Variants in KIAA1328 observed in about 807,000 individuals in gnomAD.
KIAA1328 encodes the protein KIAA1328.
Under a neutral mutation model 68.1 loss-of-function variants are expected in KIAA1328, and 52 were observed. The ratio of observed to expected loss-of-function variants is 0.76; its 90% CI spans 0.61 to 0.96. KIAA1328 has a LOEUF of 0.96. KIAA1328 is among the 40% of genes least tolerant of loss of function. KIAA1328 has a pLI of 0.00. For synonymous variants in KIAA1328, 232 were observed against 239.4 expected (o/e 0.97, Z 0.28); for missense variants, 641 against 677.6 (o/e 0.95, Z 0.60).
intron 5 of KIAA1328, among the ~76,000 whole-genome samples, chr18:36,907,487 T>G (rs1472259753): frequency 1.3e-5 from 2 of 152,150 alleles, no homozygotes; most frequent in Non-Finnish European, 2.9e-5. Flanking sequence ...GTGCTGATAC[T>G]TTTTGGTTAC....
chr18:37,046,319 T>C (rs754005523), intron 6 of KIAA1328, among the ~76,000 whole-genome samples: 8 of 152,208 alleles, frequency 5.3e-5, no homozygotes, highest in Non-Finnish European at 4.4e-5. Context: ...TTGATGTTAG[T>C]TTTGATGAGG....
intron 5 of KIAA1328, among the ~76,000 whole-genome samples, chr18:36,938,944 GT>G (rs1474828802): frequency 2.0e-5 from 3 of 152,038 alleles, no homozygotes; most frequent in Non-Finnish European, 4.4e-5. Context: ...ATTGGTTAAT[GT>G]GTTTGTTTTT....
Position 37,102,374 on chromosome 18 carries a change from C to T in KIAA1328, c.1232+34829C>T, listed in dbSNP as rs151286815. Among the ~76,000 whole-genome samples the T allele has an allele frequency of 1.5e-4, 23 of 152,244 alleles. No individual in the cohort carries two copies. In the East Asian group the frequency reaches 3.7e-3, roughly 24 times the overall value. The stretch of plus-strand genomic sequence containing the variant: ...TCTGTGAAGCAACCACCATGGCACA[C>T]GTTTGCGTTTGTAACAAACCTGCAC... On this transcript the variant is annotated intron_variant, in intron 7 of 9. Transcript: ENST00000280020.
intron 6 of KIAA1328, among the ~76,000 whole-genome samples, chr18:37,042,388 T>C (rs866566403): frequency 2.0e-5 from 3 of 152,218 alleles, no homozygotes; most frequent in Non-Finnish European, 4.4e-5. Flanking sequence ...TCAGCATTTC[T>C]TATAAAGGCA....
At chr18:36,995,021 T>C (rs1278294942) in intron 6 of KIAA1328, among the ~76,000 whole-genome samples, 1 of 152,136 alleles carries the variant, frequency 6.6e-6, no homozygotes, top group Non-Finnish European at 1.5e-5. Flanking sequence ...TTTTGTTACA[T>C]AGGTATACAC....
At chr18:36,981,122 C>T (rs2052667126) in intron 6 of KIAA1328, among the ~76,000 whole-genome samples, 1 of 152,102 alleles carries the variant, frequency 6.6e-6, no homozygotes, top group Non-Finnish European at 1.5e-5. Flanking sequence ...GGGAATAGTG[C>T]TTGTTCCCAT....
chr18:37,045,679 C>A (rs1167135136), intron 6 of KIAA1328, among the ~76,000 whole-genome samples: 1 of 152,134 alleles, frequency 6.6e-6, no homozygotes, highest in East Asian at 1.9e-4. Context: ...TCTCCTGTTT[C>A]TTTCAGAATA....
chr18:36,949,908 A>C (rs1276377890), intron 5 of KIAA1328, among the ~76,000 whole-genome samples: 1 of 152,154 alleles, frequency 6.6e-6, no homozygotes, highest in Non-Finnish European at 1.5e-5. Context: ...ATTTGCCATA[A>C]ATTTTTCTTT....
intron 9 of KIAA1328, among the ~76,000 whole-genome samples, chr18:37,194,373 T>C (rs2059964048): frequency 6.6e-6 from 1 of 152,266 alleles, no homozygotes; most frequent in South Asian, 2.1e-4. Context: ...TTATATTTTC[T>C]GCAAAGTATT....
chr18:36,988,058 T>C (rs1268623359), intron 6 of KIAA1328, among the ~76,000 whole-genome samples: 1 of 152,152 alleles, frequency 6.6e-6, no homozygotes, highest in African/African-American at 2.4e-5. Context: ...AAAGTGGAAA[T>C]GTTCCCATTT....
intron 7 of KIAA1328, among the ~76,000 whole-genome samples, chr18:37,125,592 G>T (rs1416434832): frequency 2.0e-5 from 3 of 152,010 alleles, no homozygotes; most frequent in African/African-American, 7.3e-5. Flanking sequence ...AATAAAATTG[G>T]CAAACCTATA....
At chr18:37,079,043 C>T (rs1312306856) in intron 7 of KIAA1328, among the ~76,000 whole-genome samples, 15 of 151,150 alleles carry the variant, frequency 9.9e-5, no homozygotes, top group South Asian at 6.3e-4. Flanking sequence ...ATGTTTATTG[C>T]GGCACTATTC....
intron 7 of KIAA1328, among the ~76,000 whole-genome samples, chr18:37,130,620 A>G (rs1285029982): frequency 6.6e-6 from 1 of 152,192 alleles, no homozygotes; most frequent in Non-Finnish European, 1.5e-5. Flanking sequence ...CCGTCTCAAA[A>G]AAAAAAGAAA....
intron 9 of KIAA1328, among the ~76,000 whole-genome samples, chr18:37,210,403 C>G (rs532679633): frequency 2.4e-4 from 37 of 152,186 alleles, no homozygotes; most frequent in Non-Finnish European, 4.1e-4. Flanking sequence ...TTGTTTATCA[C>G]TTCTCCTTAA....
chr18:36,895,630 T>C (rs1375955329), intron 5 of KIAA1328: 9 of 373,882 alleles, frequency 2.4e-5, no homozygotes, highest in Non-Finnish European at 4.3e-5. Flanking sequence ...CCTGCTATTC[T>C]GGGCTTAGCA....
At chr18:37,095,818 G>C (rs1417075589) in intron 7 of KIAA1328, among the ~76,000 whole-genome samples, 1 of 152,098 alleles carries the variant, frequency 6.6e-6, no homozygotes, top group East Asian at 1.9e-4. Flanking sequence ...CATTACAACT[G>C]ATATCACAGA....
intron 6 of KIAA1328, among the ~76,000 whole-genome samples, chr18:37,053,638 C>T (rs1046910757): frequency 2.0e-5 from 3 of 152,082 alleles, no homozygotes; most frequent in African/African-American, 7.3e-5. Flanking sequence ...GTTTAATTGA[C>T]CCACAGTTCC....
intron 5 of KIAA1328, among the ~76,000 whole-genome samples, chr18:36,899,146 C>G (rs1471733357): frequency 2.0e-5 from 3 of 151,738 alleles, no homozygotes; most frequent in Non-Finnish European, 4.4e-5. Flanking sequence ...CCTTTTATAT[C>G]CCATTGAATA....
At chr18:36,908,564 A>C (rs1274777091) in intron 5 of KIAA1328, among the ~76,000 whole-genome samples, 1 of 152,054 alleles carries the variant, frequency 6.6e-6, no homozygotes, top group Non-Finnish European at 1.5e-5. Flanking sequence ...GGCTGATTGA[A>C]CTTTTGAGCT....
Sources: allele counts gnomAD v4.1 joint callset (sites outside exome capture counted in the v4.1 genomes callset), GRCh38; gene constraint gnomAD v4.1.1; transcripts MANE v1.5; gene names NCBI Gene and HGNC (gene_info 2026-07-23, HGNC 2026-07-21).